AIG1: variants seen among roughly 807,000 people sequenced by gnomAD.
AIG1 encodes the protein androgen-induced gene 1 protein.
Under a neutral mutation model 31.4 loss-of-function variants are expected in AIG1, and 23 were observed. The observed-to-expected ratio is 0.73, with a 90% CI of 0.53 to 1.04. The LOEUF (loss-of-function observed/expected upper bound fraction) is 1.04, where lower values mean the gene tolerates loss of function less well. Ranked by LOEUF, AIG1 falls within the 50% of genes least tolerant of loss-of-function variation. The pLI, the probability that AIG1 is intolerant of heterozygous loss-of-function variation, is 0.00. For missense variants in AIG1, 274 were observed against 295.0 expected (o/e 0.93, Z 0.52); for synonymous variants, 100 against 110.5 (o/e 0.90, Z 0.60).
At chr6:143,263,359 G>A (rs968228692) in intron 3 of AIG1, among the ~76,000 whole-genome samples, 4 of 150,448 alleles carry the variant, frequency 2.7e-5, no homozygotes, top group Admixed American at 2.0e-4. Context: ...GGAACATGCC[G>A]ATTTGCCCTT....
At chr6:143,060,809 G>GC (rs1776159798), upstream of AIG1, 1 of 24,856 alleles carries the variant, frequency 4.0e-5, no homozygotes, top group Non-Finnish European at 8.8e-5. Context: ...CCCCCGCCCC[G>GC]CCCCGCCCCG....
intron 1 of AIG1, among the ~76,000 whole-genome samples, chr6:143,129,764 CA>C (rs1343522158): frequency 6.6e-6 from 1 of 151,798 alleles, no homozygotes; most frequent in Admixed American, 6.6e-5. Context: ...CTTATTTATA[CA>C]AAAAATTGTT....
intron 3 of AIG1, among the ~76,000 whole-genome samples, chr6:143,260,984 T>A: frequency 6.6e-6 from 1 of 152,172 alleles, no homozygotes; most frequent in East Asian, 1.9e-4. Flanking sequence ...GCTCTTTAGC[T>A]GGTGGGAAGA....
At chr6:143,251,198 G>A (rs1187117291) in intron 3 of AIG1, among the ~76,000 whole-genome samples, 2 of 152,048 alleles carry the variant, frequency 1.3e-5, no homozygotes, top group East Asian at 1.9e-4. Context: ...GATTACAGGC[G>A]TGCGCCACCA....
At chr6:143,078,157 A>G (rs1275022792) in intron 1 of AIG1, among the ~76,000 whole-genome samples, 2 of 152,118 alleles carry the variant, frequency 1.3e-5, no homozygotes, top group Non-Finnish European at 2.9e-5. Flanking sequence ...TATTGCATCC[A>G]TCTAGTGGAT....
chr6:143,318,213 C>T (rs184140665), intron 4 of AIG1, among the ~76,000 whole-genome samples: 85 of 152,202 alleles, frequency 5.6e-4, no homozygotes, highest in African/African-American at 2.0e-3. Context: ...GGAGGCATCA[C>T]ATTACCAGAC....
At chr6:143,079,442 T>C (rs1029187205) in intron 1 of AIG1, among the ~76,000 whole-genome samples, 2 of 152,166 alleles carry the variant, frequency 1.3e-5, no homozygotes, top group African/African-American at 4.8e-5. Context: ...ATTTTTGCTT[T>C]AGTTCCCAAT....
intron 5 of AIG1, among the ~76,000 whole-genome samples, chr6:143,336,442 A>G (rs1777499497): frequency 6.6e-6 from 1 of 152,132 alleles, no homozygotes; most frequent in Non-Finnish European, 1.5e-5. Context: ...CTTCTAACTG[A>G]TGTTCAGTCC....
rs1791608880 is a variant in AIG1, at chr6:143,211,769, T to A, written c.399+46586T>A. Among the ~76,000 whole-genome samples the A allele has an allele frequency of 3.9e-5, 6 of 151,976 alleles. No homozygotes were observed. In the South Asian group the frequency reaches 1.2e-3, roughly 32 times the overall value. ...TTAGCTGGATGTGGTGGCACACGCT[T>A]GTAAGCCCAGTTATTCGGGAGGCTG... is the stretch of plus-strand genomic sequence containing the variant. On this transcript the variant is annotated intron_variant, in intron 3 of 5. Coordinates refer to ENST00000357847, the MANE Select transcript of AIG1 (RefSeq NM_016108.4).
Position 143,229,784 on chromosome 6 carries a change from C to CAACAAAAAAAAA in AIG1, c.400-54324_400-54323insCAAAAAAAAAAA, listed in dbSNP as rs1554260078. The stretch of plus-strand genomic sequence containing the variant: ...GCCTCTCGTTTCTGGACTCTCAGAA[C>CAACAAAAAAAAA]AAAAAAAAAAAAAAAAAAAAGGATC... On this transcript the variant is annotated intron_variant, in intron 3 of 5. Transcript: ENST00000357847. 5.0e-5 allele frequency among the ~76,000 whole-genome samples: 4 copies of CAACAAAAAAAAA among 80,708 alleles called. 1 individual carries two copies. Among genetic ancestry groups the CAACAAAAAAAAA allele is most frequent in the African/African-American group, 1.1e-4 (3 of 26,618 alleles). The allele number at this position is 80,708 out of a possible 152,430, so 52.9% of individuals were successfully genotyped here. A position where few individuals can be genotyped will look rare whatever the true frequency, so the allele number is the denominator to read the frequency against.
chr6:143,090,751 G>C (rs990412302), intron 1 of AIG1, among the ~76,000 whole-genome samples: 1 of 152,184 alleles, frequency 6.6e-6, no homozygotes, highest in Non-Finnish European at 1.5e-5. Flanking sequence ...GGAGGCTCTT[G>C]CCTTGATGTT....
rs116754381 is a variant in AIG1 at position 143,205,119 on chromosome 6, G to C, written c.399+39936G>C. The stretch of plus-strand genomic sequence containing the variant: ...ATGTAGCACACCAAACTCTGGTGTA[G>C]TCCAGGGCAGTGGGGCAGGTAAATT... On this transcript the variant is annotated intron_variant, in intron 3 of 5. Transcript: ENST00000357847. Among the ~76,000 whole-genome samples, 1,428 of 152,304 alleles carry C rather than the reference G, an allele frequency of 9.4e-3. 22 individuals are homozygous for C. The highest frequency in any genetic ancestry group is 0.032 in the African/African-American group (1,338 of 41,562).
In AIG1 at chr6:143,297,285, G is replaced by A. The variant is rs1036610097; in HGVS notation, c.515+13060G>A. Among the ~76,000 whole-genome samples the A allele has an allele frequency of 6.6e-6, 1 of 152,158 alleles. No homozygotes were observed. Among genetic ancestry groups the A allele is most frequent in the Non-Finnish European group, 1.5e-5 (1 of 68,032 alleles). On this transcript the variant is annotated intron_variant, in intron 4 of 5. Transcript: ENST00000357847. This position sits in a 1 kb window ranked among gnomAD's most constrained non-coding sequence, Gnocchi z 5.1. The stretch of plus-strand genomic sequence containing the variant: ...AGCAACGGAGAGGAAACCATAGTCA[G>A]GGAGCCAAAGCAGTTCAGTGCACCT...
chr6:143,287,796 C>T (rs1797793919), intron 4 of AIG1, among the ~76,000 whole-genome samples: 1 of 145,406 alleles, frequency 6.9e-6, no homozygotes, highest in Admixed American at 6.9e-5. Flanking sequence ...TCCTGAGATG[C>T]TTCTCAACAA....
chr6:143,083,095 A>G (rs1583107131), intron 1 of AIG1, among the ~76,000 whole-genome samples: 1 of 152,192 alleles, frequency 6.6e-6, no homozygotes, highest in East Asian at 1.9e-4. Flanking sequence ...TACGTTCCTC[A>G]CTGAGGGCCC....
chr6:143,135,617 A>C (rs1783660721), intron 1 of AIG1, among the ~76,000 whole-genome samples: 1 of 152,156 alleles, frequency 6.6e-6, no homozygotes, highest in Non-Finnish European at 1.5e-5. Context: ...CCTAAGACTG[A>C]CTAATAATAG....
In AIG1 at chr6:143,258,840, C is replaced by A. The variant is rs1795542749; in HGVS notation, c.400-25270C>A. 6.6e-6 allele frequency among the ~76,000 whole-genome samples: 1 copy of A among 152,082 alleles called. No individual in the cohort carries two copies. The highest frequency in any genetic ancestry group is 2.1e-4 in the South Asian group (1 of 4,834). ...AGGTGTTTGGGTTATGGGGATGGAC[C>A]CTCATGAATAGATGGATGTCCTCGT... On this transcript the variant is annotated intron_variant, in intron 3 of 5. Transcript: ENST00000357847. The surrounding 1 kb of genome is among the most constrained non-coding windows in gnomAD (Gnocchi z 4.7).
At chr6:143,134,224 G>C (rs552358487) in intron 1 of AIG1, among the ~76,000 whole-genome samples, 1 of 151,932 alleles carries the variant, frequency 6.6e-6, no homozygotes, top group Non-Finnish European at 1.5e-5. Context: ...GAAGCCCTGT[G>C]CAGATAATAT....
chr6:143,188,592 T>A, intron 3 of AIG1: 2 of 985,344 alleles, frequency 2.0e-6, no homozygotes, highest in Non-Finnish European at 2.4e-6. Flanking sequence ...GTACAAGTCA[T>A]CTATTCTCTT....
Sources: allele counts gnomAD v4.1 joint callset (sites outside exome capture counted in the v4.1 genomes callset), GRCh38; gene constraint gnomAD v4.1.1; non-coding constraint Gnocchi (gnomAD v3.1); transcripts MANE v1.5; gene names NCBI Gene and HGNC (gene_info 2026-07-23, HGNC 2026-07-21).